Variants in EEF1AKMT1 observed in about 807,000 individuals in gnomAD.
EEF1AKMT1 encodes N-6 adenine-specific DNA methyltransferase 2 (putative).
In EEF1AKMT1, 18 loss-of-function variants were observed where a neutral mutation model predicts 21.0. The observed-to-expected ratio is 0.86, with a 90% CI of 0.59 to 1.27. The LOEUF (loss-of-function observed/expected upper bound fraction) is 1.27, where lower values mean the gene tolerates loss of function less well. Ranked by LOEUF, EEF1AKMT1 falls within the 50% of genes most tolerant of loss-of-function variation. The pLI, the probability that EEF1AKMT1 is intolerant of heterozygous loss-of-function variation, is 0.00. For synonymous variants in EEF1AKMT1, 109 were observed against 94.8 expected, an observed-to-expected ratio of 1.15 and a Z score of -0.87; for missense variants, 246 against 258.6, an observed-to-expected ratio of 0.95 and a Z score of 0.33.
chr13:20,730,445 T>C (rs7985361), intron 4 of EEF1AKMT1, among the ~76,000 whole-genome samples: 14,107 of 152,132 alleles, frequency 0.093, 805 homozygotes, highest in Non-Finnish European at 0.13. Context: ...CACTCAAGGG[T>C]GTGGACACCA....
intron 2 of EEF1AKMT1, among the ~76,000 whole-genome samples, chr13:20,740,989 G>A (rs2058867362): frequency 6.6e-6 from 1 of 152,008 alleles, no homozygotes; most frequent in Non-Finnish European, 1.5e-5. Context: ...TGGAGCTCTG[G>A]AGTTATCTTA....
intron 1 of EEF1AKMT1, among the ~76,000 whole-genome samples, chr13:20,762,875 A>G (rs1045707141): frequency 2.0e-5 from 3 of 152,192 alleles, no homozygotes; most frequent in Admixed American, 2.0e-4. Flanking sequence ...AAGTTTCATC[A>G]TGAATGGGTG....
chr13:20,736,533 G>A (rs192676977), intron 3 of EEF1AKMT1, among the ~76,000 whole-genome samples: 16 of 152,070 alleles, frequency 1.1e-4, no homozygotes, highest in African/African-American at 3.6e-4. Flanking sequence ...GATGAAGGGC[G>A]ATACCAAGAA....
intron 2 of EEF1AKMT1, among the ~76,000 whole-genome samples, chr13:20,744,601 T>C (rs144872426): frequency 0.013 from 1,929 of 152,316 alleles, 47 homozygotes; most frequent in African/African-American, 0.044. Context: ...GTCAGATGAG[T>C]AGATTGCAAA....
intron 2 of EEF1AKMT1, among the ~76,000 whole-genome samples, chr13:20,738,008 T>C (rs556549691): frequency 6.6e-6 from 1 of 152,308 alleles, no homozygotes; most frequent in South Asian, 2.1e-4. Flanking sequence ...TACAAGCCCC[T>C]AATGAATTAA....
Position 20,733,243 on chromosome 13 carries a change from C to T in EEF1AKMT1, c.228-1122G>A, listed in dbSNP as rs143809216. Among the ~76,000 whole-genome samples the T allele has an allele frequency of 3.9e-3, 595 of 152,000 alleles. 3 individuals are homozygous for T. The highest frequency in any genetic ancestry group is 0.014 in the African/African-American group (565 of 41,464). On this transcript the variant is annotated intron_variant, in intron 3 of 4. Transcript: ENST00000382758. ...CCTGAGTAGCTGGGATTACAGGCAC[C>T]CGCCACCACGCCTGGCTAATTTTTG...
intron 2 of EEF1AKMT1, among the ~76,000 whole-genome samples, chr13:20,748,921 G>C (rs1367165468): frequency 2.0e-5 from 3 of 151,806 alleles, no homozygotes; most frequent in Non-Finnish European, 4.4e-5. Context: ...GTAGACATGG[G>C]ATTTGCCATG....
chr13:20,732,594 A>T (rs867287561), intron 3 of EEF1AKMT1, among the ~76,000 whole-genome samples: 4 of 152,206 alleles, frequency 2.6e-5, no homozygotes, highest in Non-Finnish European at 4.4e-5. Flanking sequence ...CGGCCTCCCA[A>T]AGTGCTGGGA....
At chr13:20,770,190 G>A (rs1178839405) in intron 1 of EEF1AKMT1, among the ~76,000 whole-genome samples, 2 of 151,938 alleles carry the variant, frequency 1.3e-5, no homozygotes, top group African/African-American at 2.4e-5. Flanking sequence ...ATTATGCTAC[G>A]TGAAATAAGC....
At chr13:20,739,688 C>T (rs1228908742) in intron 2 of EEF1AKMT1, among the ~76,000 whole-genome samples, 1 of 152,172 alleles carries the variant, frequency 6.6e-6, no homozygotes, top group Non-Finnish European at 1.5e-5. Context: ...AGTTTACAAT[C>T]CTTTAGCTAG....
chr13:20,734,721 G>A (rs919629656), intron 3 of EEF1AKMT1, among the ~76,000 whole-genome samples: 4 of 152,064 alleles, frequency 2.6e-5, no homozygotes, highest in Non-Finnish European at 1.5e-5. Context: ...AGCCTCCCGA[G>A]TATCATCTTT....
chr13:20,740,673 T>C (rs1016537175), intron 2 of EEF1AKMT1, among the ~76,000 whole-genome samples: 1 of 152,124 alleles, frequency 6.6e-6, no homozygotes, highest in Non-Finnish European at 1.5e-5. Flanking sequence ...TGTGGTAGCA[T>C]GTGCCTGTAA....
chr13:20,767,123 G>C (rs540303997), intron 1 of EEF1AKMT1, among the ~76,000 whole-genome samples: 1 of 151,606 alleles, frequency 6.6e-6, no homozygotes, highest in African/African-American at 2.4e-5. Context: ...TGGCTAACAC[G>C]GTGAAACCCC....
chr13:20,771,280 G>C (rs1019639521), intron 1 of EEF1AKMT1, among the ~76,000 whole-genome samples: 4 of 152,124 alleles, frequency 2.6e-5, no homozygotes, highest in Admixed American at 1.3e-4. Context: ...AAACCAAAAA[G>C]GAACCAGTTG....
intron 3 of EEF1AKMT1, among the ~76,000 whole-genome samples, chr13:20,736,675 T>C (rs1002271839): frequency 8.6e-5 from 13 of 151,504 alleles, no homozygotes; most frequent in African/African-American, 3.2e-4. Context: ...ACAAGAGAGT[T>C]TGGGGGTTAA....
At chr13:20,748,715 G>GGTTTTTTGTTTTTTTT (rs1555326495) in intron 2 of EEF1AKMT1, among the ~76,000 whole-genome samples, 1 of 105,810 alleles carries the variant, frequency 9.5e-6, no homozygotes, top group African/African-American at 3.7e-5. Context: ...ATGTATAGTT[G>GGTTTTTTGTTTTTTTT]TTTTTTTTTG....
At chr13:20,751,075 G>A (rs959709956) in intron 2 of EEF1AKMT1, among the ~76,000 whole-genome samples, 1 of 152,160 alleles carries the variant, frequency 6.6e-6, no homozygotes, top group African/African-American at 2.4e-5. Flanking sequence ...TTCTAGATAC[G>A]AGTCCCTTGT....
Position 20,749,776 on chromosome 13 carries a change from G to GT in EEF1AKMT1, c.144+7678dup, listed in dbSNP as rs550150303. ...AAAATTTTCACTCAAAATATTGAAT[G>GT]TATCACTCTATTTTTAAAAGTTTCT... On this transcript the variant is annotated intron_variant, in intron 2 of 4. Coordinates refer to ENST00000382758, the MANE Select transcript of EEF1AKMT1 (RefSeq NM_001318939.2). Among the ~76,000 whole-genome samples the GT allele has an allele frequency of 3.9e-5, 6 of 152,292 alleles. No homozygotes were observed. The South Asian group carries it at 1.0e-3, about 26-fold the overall frequency.
chr13:20,768,498 C>A (rs2059047641), intron 1 of EEF1AKMT1, among the ~76,000 whole-genome samples: 1 of 152,198 alleles, frequency 6.6e-6, no homozygotes, highest in Non-Finnish European at 1.5e-5. Context: ...ATTTCCCTAT[C>A]TTCCAGTAGT....
Sources: gnomAD v4.1 joint callset for allele counts (sites outside exome capture counted in the v4.1 genomes callset) on GRCh38, gnomAD v4.1.1 for gene constraint, MANE v1.5 for transcripts, NCBI Gene and HGNC (gene_info 2026-07-23, HGNC 2026-07-21) for gene names.